The following RASGRF2 variants were observed in gnomAD, a reference collection of about 807,000 sequenced individuals.
RASGRF2 encodes the protein ras-specific guanine nucleotide-releasing factor 2.
Under a neutral mutation model 151.0 loss-of-function variants are expected in RASGRF2, and 76 were observed. The ratio of observed to expected loss-of-function variants is 0.50; its 90% confidence interval spans 0.42 to 0.61. RASGRF2 has a LOEUF of 0.61. Ranked by LOEUF, RASGRF2 falls within the 20% of genes least tolerant of loss-of-function variation. The pLI is 0.00. For synonymous variants in RASGRF2, 504 were observed against 566.5 expected (o/e 0.89, Z 1.57); for missense variants, 1,148 against 1,564.6 (o/e 0.73, Z 4.49).
intron 23 of RASGRF2, among the ~76,000 whole-genome samples, chr5:81,214,672 A>G (rs1045474258): frequency 1.3e-5 from 2 of 152,170 alleles, no homozygotes; most frequent in Admixed American, 6.5e-5. Context: ...AGGTGAGACA[A>G]AGTAGTTTGA....
At chr5:81,173,244 G>A (rs1364458329) in intron 17 of RASGRF2, among the ~76,000 whole-genome samples, 2 of 152,110 alleles carry the variant, frequency 1.3e-5, no homozygotes, top group Non-Finnish European at 2.9e-5. Context: ...CAGGTGTGAT[G>A]GTGGGTGCCC....
intron 17 of RASGRF2, among the ~76,000 whole-genome samples, chr5:81,151,940 G>T (rs1391227952): frequency 6.6e-6 from 1 of 152,064 alleles, no homozygotes; most frequent in South Asian, 2.1e-4. Flanking sequence ...TTGCAGTACT[G>T]GGTTTTTCCA....
At chr5:81,164,572 T>G (rs774880957) in intron 17 of RASGRF2, among the ~76,000 whole-genome samples, 1 of 152,212 alleles carries the variant, frequency 6.6e-6, no homozygotes, top group Non-Finnish European at 1.5e-5. Flanking sequence ...AAGTATCTGG[T>G]AGACTTGAAT....
chr5:81,216,548 G>T (rs956232776), intron 24 of RASGRF2, among the ~76,000 whole-genome samples: 10 of 152,114 alleles, frequency 6.6e-5, no homozygotes, highest in Non-Finnish European at 1.3e-4. Context: ...AGCAACAACA[G>T]CAATAATAGT....
At chr5:81,161,134 T>C (rs956776719) in intron 17 of RASGRF2, among the ~76,000 whole-genome samples, 8 of 152,206 alleles carry the variant, frequency 5.3e-5, no homozygotes, top group Non-Finnish European at 1.0e-4. Flanking sequence ...AGAACACTTA[T>C]GTGTGAGGTT....
intron 1 of RASGRF2, among the ~76,000 whole-genome samples, chr5:80,981,614 G>A (rs1432184460): frequency 1.3e-5 from 2 of 152,014 alleles, no homozygotes; most frequent in African/African-American, 4.8e-5. Context: ...CGCCCAGGTC[G>A]GAGTGCAGTG....
intron 1 of RASGRF2, among the ~76,000 whole-genome samples, chr5:80,976,017 T>G (rs1396942552): frequency 6.6e-6 from 1 of 152,158 alleles, no homozygotes; most frequent in Non-Finnish European, 1.5e-5. Flanking sequence ...ACTAATTTTG[T>G]ATTTTTAGTA....
rs1359976246 is a variant in RASGRF2 at position 81,201,388 on chromosome 5, T to G, written c.2852T>G (p.Leu951Trp). Residue 951 changes from leucine to tryptophan, a missense_variant, in exon 19 of 27, where the codon TTG (leucine) becomes TGG (tryptophan). Physicochemically the swap from Leu to Trp is moderately conservative, Grantham distance 61. Transcript: ENST00000265080. ...GTCCTAAATTTGCTAGAAGAAGTTT[T>G]GCGAGACCCAGACCTTCTTCCCCAA... ...MNVLNLLEEVLRDPDLLPQER... is the reference protein window; with the variant it reads ...MNVLNLLEEVWRDPDLLPQER... 6.2e-7 allele frequency: 1 copy of G among 1,614,050 alleles called. No homozygotes were observed. The highest frequency in any genetic ancestry group is 1.7e-5 in the Admixed American group (1 of 59,968).
intron 17 of RASGRF2, among the ~76,000 whole-genome samples, chr5:81,168,493 T>C (rs572865749): frequency 6.6e-6 from 1 of 152,090 alleles, no homozygotes; most frequent in South Asian, 2.1e-4. Flanking sequence ...GTACTTTTAG[T>C]AGAGTTGGGG....
intron 2 of RASGRF2, among the ~76,000 whole-genome samples, chr5:81,067,572 G>A (rs929404080): frequency 3.3e-5 from 5 of 152,160 alleles, no homozygotes; most frequent in African/African-American, 4.8e-5. Flanking sequence ...ATTTTTTCCA[G>A]TTAGTGCCTG....
intron 17 of RASGRF2, among the ~76,000 whole-genome samples, chr5:81,179,477 G>T (rs1580384194): frequency 6.6e-6 from 1 of 152,126 alleles, no homozygotes; most frequent in Non-Finnish European, 1.5e-5. Context: ...AATCCATGGG[G>T]TTTTTGTAAA....
At chr5:81,101,775 G>A (rs964778311) in intron 12 of RASGRF2, among the ~76,000 whole-genome samples, 2 of 152,116 alleles carry the variant, frequency 1.3e-5, no homozygotes, top group Non-Finnish European at 2.9e-5. Context: ...GTATGGTTTG[G>A]ATTGAATGTA....
intron 1 of RASGRF2, among the ~76,000 whole-genome samples, chr5:81,032,081 C>A (rs1245067197): frequency 1.3e-5 from 2 of 151,946 alleles, no homozygotes; most frequent in Non-Finnish European, 2.9e-5. Context: ...ACACATACAC[C>A]CTCCCAAGAT....
intron 5 of RASGRF2, among the ~76,000 whole-genome samples, chr5:81,073,858 C>T (rs1403955197): frequency 1.3e-5 from 2 of 152,194 alleles, no homozygotes; most frequent in Non-Finnish European, 2.9e-5. Context: ...ACCTCGTGAT[C>T]TGCCTGCCTT....
At chr5:81,044,434 A>G (rs1244836369) in intron 2 of RASGRF2, among the ~76,000 whole-genome samples, 1 of 152,050 alleles carries the variant, frequency 6.6e-6, no homozygotes, top group East Asian at 1.9e-4. Flanking sequence ...AACCACACAC[A>G]CAATGAGGTA....
At chr5:81,183,556 T>G (rs1411796816) in intron 18 of RASGRF2, among the ~76,000 whole-genome samples, 2 of 152,230 alleles carry the variant, frequency 1.3e-5, no homozygotes, top group African/African-American at 4.8e-5. Flanking sequence ...TCTAAAAATC[T>G]TCCTATGTGA....
chr5:80,976,388 G>A (rs1239532187), intron 1 of RASGRF2, among the ~76,000 whole-genome samples: 4 of 152,154 alleles, frequency 2.6e-5, no homozygotes, highest in Non-Finnish European at 4.4e-5. Flanking sequence ...TTACGAAATG[G>A]CAAACCTGGT....
At position 81,003,218 on chromosome 5, in the gene RASGRF2, C is replaced by CTTTT. The variant is rs1271321430; in HGVS notation, c.289-39640_289-39637dup. ...TATGGATGCATGCCACCACACCTGGCTTTTTTTTTTTTTTTTTTTTTTGAG... is the reference window on the plus strand; with the variant it reads ...TATGGATGCATGCCACCACACCTGGCTTTTTTTTTTTTTTTTTTTTTTTTTTGAG... On this transcript the variant is annotated intron_variant, in intron 1 of 26. Coordinates refer to ENST00000265080, the MANE Select transcript of RASGRF2 (RefSeq NM_006909.3). Among the ~76,000 whole-genome samples the CTTTT allele has an allele frequency of 3.4e-4, 33 of 97,860 alleles. 1 individual carries two copies. The highest frequency in any genetic ancestry group is 4.4e-4 in the Non-Finnish European group (22 of 50,070). 64.2% of individuals were successfully genotyped at this position (97,860 alleles called of 152,430 possible). A position where few individuals can be genotyped will look rare whatever the true frequency, so the allele number is the denominator to read the frequency against.
chr5:81,083,367 T>G (rs1030842700), intron 7 of RASGRF2, among the ~76,000 whole-genome samples: 1 of 151,932 alleles, frequency 6.6e-6, no homozygotes, highest in African/African-American at 2.4e-5. Flanking sequence ...AGCCCAGATA[T>G]GGAGGCAGAA....
Sources: allele counts gnomAD v4.1 joint callset (sites outside exome capture counted in the v4.1 genomes callset), GRCh38; gene constraint gnomAD v4.1.1; transcripts MANE v1.5; gene names NCBI Gene and HGNC (gene_info 2026-07-23, HGNC 2026-07-21).